The following FBXL17 variants were observed in gnomAD, a reference collection of about 807,000 sequenced individuals.
FBXL17 encodes F-box and leucine rich repeat protein 17, also known as F-box/LRR-repeat protein 17.
FBXL17 carries 22 observed loss-of-function variants against 66.2 expected under a neutral mutation model. The ratio of observed to expected loss-of-function variants is 0.33; its 90% CI spans 0.24 to 0.47. The LOEUF (loss-of-function observed/expected upper bound fraction) is 0.47. Ranked by LOEUF, FBXL17 falls within the 20% of genes least tolerant of loss-of-function variation. FBXL17 has a pLI of 1.00. For missense variants in FBXL17, 878 were observed against 948.2 expected, an observed-to-expected ratio of 0.93 and a Z score of 0.97; for synonymous variants, 474 against 400.5, an observed-to-expected ratio of 1.18 and a Z score of -2.19.
chr5:108,122,802 C>T lies in FBXL17; in HGVS notation c.1745+63315G>A, dbSNP rs180747660. ...ACTGCCCAGACAGCACTGCCTCTGC[C>T]TCTTCCTATAGTATGGTCTCATTCC... On this transcript the variant is annotated intron_variant, in intron 6 of 8. Transcript: ENST00000542267. Among the ~76,000 whole-genome samples the T allele has an allele frequency of 5.3e-5, 8 of 152,260 alleles. No homozygotes were observed. The East Asian group carries it at 1.2e-3, about 22-fold the overall frequency.
chr5:107,890,095 T>C (rs1217205571), intron 7 of FBXL17, among the ~76,000 whole-genome samples: 1 of 152,184 alleles, frequency 6.6e-6, no homozygotes, highest in Non-Finnish European at 1.5e-5. Flanking sequence ...CTAAAGTCCC[T>C]GGTTCAATGA....
In FBXL17 at chr5:108,380,841, G is replaced by A; in HGVS notation, c.851C>T (p.Thr284Ile). ...AGGDAVRAGG[T>I]APLSAQQQHE... ...CTGCTGCTGGGCGGACAAGGGGGCGGTGCCCCCGGCTCGGACAGCGTCCCC... is the reference window on the plus strand; with the variant it reads ...CTGCTGCTGGGCGGACAAGGGGGCGATGCCCCCGGCTCGGACAGCGTCCCC... The change falls in exon 1 of 9, where the codon ACC (threonine) becomes ATC (isoleucine). Residue 284 changes from threonine to isoleucine, a missense_variant. Thr to Ile is a moderately conservative substitution (Grantham distance 89, BLOSUM62 -1). Around this residue, in one of 4 missense-constraint regions of FBXL17, gnomAD observed 605 missense variants for 509.5 expected, o/e 1.19. Coordinates refer to ENST00000542267, the MANE Select transcript of FBXL17 (RefSeq NM_001163315.3). 8.0e-7 allele frequency: 1 copy of A among 1,247,078 alleles called. No homozygotes were observed. The highest frequency in any genetic ancestry group is 1.0e-6 in the Non-Finnish European group (1 of 988,062). The allele number at this position is 1,247,078 out of a possible 1,614,324, so 77.3% of individuals were successfully genotyped here.
At chr5:107,937,395 C>T (rs1750945159) in intron 7 of FBXL17, among the ~76,000 whole-genome samples, 1 of 152,156 alleles carries the variant, frequency 6.6e-6, no homozygotes, top group Non-Finnish European at 1.5e-5. Flanking sequence ...CTCCACTTAA[C>T]AGCTCTGAAT....
At chr5:108,363,329 T>C (rs1272430429) in intron 3 of FBXL17, among the ~76,000 whole-genome samples, 1 of 151,890 alleles carries the variant, frequency 6.6e-6, no homozygotes, top group Non-Finnish European at 1.5e-5. Flanking sequence ...GAGGAAAGAG[T>C]CTATTATGAA....
rs1291550541 is a variant in FBXL17 at position 108,259,723 on chromosome 5, TC to T, written c.1507-35496del. Among the ~76,000 whole-genome samples, 5 of 151,996 alleles carry T rather than the reference TC, an allele frequency of 3.3e-5. No individual in the cohort carries two copies. In the East Asian group the frequency reaches 9.7e-4, roughly 29 times the overall value. On this transcript the variant is annotated intron_variant, in intron 4 of 8. Transcript: ENST00000542267. ...AAGCAAAACGAAAAGCAAAAGGAAG[TC>T]CCAAGGCAAAAGAATCACATAAGGA...
At position 108,241,910 on chromosome 5, in the gene FBXL17, A is replaced by C. The variant is rs144254049; in HGVS notation, c.1507-17682T>G. On this transcript the variant is annotated intron_variant, in intron 4 of 8. Transcript: ENST00000542267. ...AAAAACTTTTATCCTAGAATAGTAT[A>C]TCTAACCAAAAATATCCTTTGAACA... is the stretch of plus-strand genomic sequence containing the variant. Among the ~76,000 whole-genome samples the C allele has an allele frequency of 7.9e-3, 1,198 of 152,288 alleles. 19 individuals are homozygous for C. The highest frequency in any genetic ancestry group is 0.027 in the African/African-American group (1,110 of 41,562).
chr5:107,865,757 A>G (rs768914859), intron 8 of FBXL17, among the ~76,000 whole-genome samples: 8 of 152,204 alleles, frequency 5.3e-5, no homozygotes, highest in Non-Finnish European at 1.2e-4. Context: ...GGGGAAATTC[A>G]TGGGCTCCTA....
At chr5:108,339,010 A>C (rs1454755680) in intron 4 of FBXL17, among the ~76,000 whole-genome samples, 1 of 152,202 alleles carries the variant, frequency 6.6e-6, no homozygotes, top group East Asian at 1.9e-4. Context: ...GGACATTTAC[A>C]ATAATGTATC....
At chr5:107,927,947 T>C (rs763397447) in intron 7 of FBXL17, among the ~76,000 whole-genome samples, 1 of 152,092 alleles carries the variant, frequency 6.6e-6, no homozygotes, top group Non-Finnish European at 1.5e-5. Flanking sequence ...AGATACCAAA[T>C]ATCCAAATAT....
chr5:108,224,850 ACTC>A (rs759643592), intron 4 of FBXL17, among the ~76,000 whole-genome samples: 34 of 152,032 alleles, frequency 2.2e-4, no homozygotes, highest in Non-Finnish European at 2.4e-4. Flanking sequence ...TTGGTCTCAA[ACTC>A]CTGACCTTAA....
At chr5:108,067,604 C>T (rs530546179) in intron 6 of FBXL17, among the ~76,000 whole-genome samples, 6 of 152,184 alleles carry the variant, frequency 3.9e-5, no homozygotes, top group African/African-American at 1.4e-4. Flanking sequence ...TGTGTTTGTA[C>T]ATTTTTCATA....
At chr5:107,943,585 T>C (rs892241276) in intron 7 of FBXL17, among the ~76,000 whole-genome samples, 1 of 151,536 alleles carries the variant, frequency 6.6e-6, no homozygotes, top group Admixed American at 6.6e-5. Flanking sequence ...GCAATCATTG[T>C]AGTTAATCTT....
chr5:107,980,664 A>ATATATT lies in FBXL17; in HGVS notation c.1822+40260_1822+40261insAATATA. On this transcript the variant is annotated intron_variant, in intron 7 of 8. Coordinates refer to ENST00000542267, the MANE Select transcript of FBXL17 (RefSeq NM_001163315.3). ...TAAAATAATATATATATATATATAT[A>ATATATT]TTTTTTTTTTGAGATGGAGTCTTGC... 3.2e-5 allele frequency among the ~76,000 whole-genome samples: 2 copies of ATATATT among 62,104 alleles called. 1 individual carries two copies. Among genetic ancestry groups the ATATATT allele is most frequent in the African/African-American group, 2.1e-4 (2 of 9,734 alleles). 40.7% of individuals were successfully genotyped at this position (62,104 alleles called of 152,430 possible). A position where few individuals can be genotyped will look rare whatever the true frequency, so the allele number is the denominator to read the frequency against.
intron 6 of FBXL17, among the ~76,000 whole-genome samples, chr5:108,172,719 C>G (rs915992465): frequency 3.9e-5 from 6 of 152,108 alleles, no homozygotes; most frequent in African/African-American, 1.4e-4. Context: ...GTTTTAAGAG[C>G]CTTCAACACT....
At chr5:108,143,768 C>T (rs1420130058) in intron 6 of FBXL17, among the ~76,000 whole-genome samples, 1 of 141,564 alleles carries the variant, frequency 7.1e-6, no homozygotes, top group Non-Finnish European at 1.5e-5. Context: ...AGACTGCATT[C>T]TTAGACTGAT....
intron 7 of FBXL17, among the ~76,000 whole-genome samples, chr5:107,912,949 G>T (rs1185382644): frequency 6.6e-6 from 1 of 152,146 alleles, no homozygotes; most frequent in East Asian, 1.9e-4. Flanking sequence ...AGGAGCTAAG[G>T]TCTGATGTGC....
intron 6 of FBXL17, among the ~76,000 whole-genome samples, chr5:108,084,999 T>C (rs1054320085): frequency 1.3e-5 from 2 of 152,198 alleles, no homozygotes; most frequent in African/African-American, 4.8e-5. Context: ...TTAACTTGGG[T>C]TTACATTTTT....
intron 7 of FBXL17, among the ~76,000 whole-genome samples, chr5:107,889,034 G>A (rs563419311): frequency 2.1e-5 from 3 of 140,650 alleles, no homozygotes; most frequent in African/African-American, 7.3e-5. Flanking sequence ...AGCTGTTCTA[G>A]TGGGTACGTA....
chr5:108,298,095 T>C (rs1758422639), intron 4 of FBXL17: 2 of 966,062 alleles, frequency 2.1e-6, no homozygotes, highest in African/African-American at 3.5e-5. Flanking sequence ...GTAGGGCTTA[T>C]ATTATACAAT....
Sources: allele counts gnomAD v4.1 joint callset (sites outside exome capture counted in the v4.1 genomes callset), GRCh38; gene constraint gnomAD v4.1.1; regional missense constraint gnomAD v4.1.1; transcripts MANE v1.5; gene names NCBI Gene and HGNC (gene_info 2026-07-23, HGNC 2026-07-21).